The following TGFBR1 variants were observed in gnomAD, a reference collection of about 807,000 sequenced individuals.
TGFBR1 encodes TGF-beta receptor type-1.
In TGFBR1, 20 loss-of-function variants were observed where a neutral mutation model predicts 55.1. The observed-to-expected ratio is 0.36, with a 90% CI of 0.26 to 0.53. The LOEUF is 0.53. TGFBR1 is among the 20% of genes least tolerant of loss of function. TGFBR1 has a pLI of 0.91. For synonymous variants in TGFBR1, 220 were observed against 214.8 expected, an observed-to-expected ratio of 1.02 and a Z score of -0.21; for missense variants, 385 against 617.6, an observed-to-expected ratio of 0.62 and a Z score of 3.99.
At position 99,152,810 on chromosome 9, in the gene TGFBR1, A is replaced by G. The variant is rs1828014748; in HGVS notation, c.*3505A>G. The G allele has an allele frequency of 4.3e-6, 1 of 231,180 alleles. No individual in the cohort carries two copies. The highest frequency in any genetic ancestry group is 1.8e-4 in the South Asian group (1 of 5,516). 14.3% of individuals were successfully genotyped at this position (231,180 alleles called of 1,614,324 possible). Reference sequence around the variant, plus strand: ...TACTAAGGATTATCTTTGGACATGTACTGCAGCTTCTTGTCTCTGTTTTGG... The same window carrying G: ...TACTAAGGATTATCTTTGGACATGTGCTGCAGCTTCTTGTCTCTGTTTTGG... On this transcript the variant is annotated 3_prime_UTR_variant, in exon 9 of 9. Transcript: ENST00000374994.
rs1037312731 is a variant in TGFBR1, at chr9:99,153,442, C to T, written c.*4137C>T. The T allele has an allele frequency of 4.8e-6, 1 of 209,074 alleles. No homozygotes were observed. Among genetic ancestry groups the T allele is most frequent in the Non-Finnish European group, 9.8e-6 (1 of 102,442 alleles). 13.0% of individuals were successfully genotyped at this position (209,074 alleles called of 1,614,324 possible). On this transcript the variant is annotated 3_prime_UTR_variant, in exon 9 of 9. Coordinates refer to ENST00000374994, the MANE Select transcript of TGFBR1 (RefSeq NM_004612.4). ...TACAGAAAATGTCCATATAAATTTC[C>T]ATTGAAGTCGAATGATACTGAGAAG...
intron 1 of TGFBR1, among the ~76,000 whole-genome samples, chr9:99,124,508 T>A (rs1027210093): frequency 6.6e-6 from 1 of 151,988 alleles, no homozygotes; most frequent in Non-Finnish European, 1.5e-5. Flanking sequence ...ATTTAAAACC[T>A]AGTTGAATAA....
At chr9:99,144,958 A>T in intron 6 of TGFBR1, 70 bp downstream of exon 6, 1 of 1,537,910 alleles carries the variant, frequency 6.5e-7, no homozygotes, top group Middle Eastern at 1.8e-4. Context: ...TCATATATAC[A>T]TATCATTGCT....
At chr9:99,140,898 T>G (rs914249166) in intron 4 of TGFBR1, among the ~76,000 whole-genome samples, 1 of 152,212 alleles carries the variant, frequency 6.6e-6, no homozygotes, top group African/African-American at 2.4e-5. Flanking sequence ...AGGCTGATGC[T>G]GTCATCTGGT....
chr9:99,131,322 C>T (rs951678926), intron 2 of TGFBR1, among the ~76,000 whole-genome samples: 11 of 152,058 alleles, frequency 7.2e-5, no homozygotes, highest in African/African-American at 2.4e-4. Context: ...TATACAAAGG[C>T]AACAGCCTTC....
intron 5 of TGFBR1, 142 bp from the exon 6 acceptor site, chr9:99,144,590 A>C: frequency 1.2e-6 from 1 of 849,730 alleles, no homozygotes; most frequent in Non-Finnish European, 1.9e-6. Flanking sequence ...ACTTGAGTTT[A>C]ATAATGCCGT....
Position 99,132,854 on chromosome 9 carries a change from T to A in TGFBR1, c.574+115T>A. 11 of 1,389,818 alleles carry A rather than the reference T, an allele frequency of 7.9e-6. No individual in the cohort carries two copies. The South Asian group carries it at 1.4e-4, about 18-fold the overall frequency. 86.1% of individuals were successfully genotyped at this position (1,389,818 alleles called of 1,614,324 possible). ...AGAATGTGAGATAGTATAAATAATA[T>A]TGCAGGTTTGAACCTAATAAAAATC... is the stretch of plus-strand genomic sequence containing the variant. On this transcript the variant is annotated intron_variant, in intron 3 of 8. Coordinates refer to ENST00000374994, the MANE Select transcript of TGFBR1 (RefSeq NM_004612.4).
intron 4 of TGFBR1, 108 bp from the exon 5 acceptor site, chr9:99,142,428 T>G: frequency 8.4e-7 from 1 of 1,185,658 alleles, no homozygotes; most frequent in Non-Finnish European, 1.3e-6. Context: ...TAAGGTGGCA[T>G]TATATTGCAG....
At chr9:99,121,267 T>G (rs986802377) in intron 1 of TGFBR1, among the ~76,000 whole-genome samples, 2 of 152,200 alleles carry the variant, frequency 1.3e-5, no homozygotes, top group African/African-American at 4.8e-5. Flanking sequence ...ATATTACTGC[T>G]GCAAGGTAGC....
intron 8 of TGFBR1, 67 bp downstream of exon 8, chr9:99,147,851 T>C: frequency 3.2e-6 from 5 of 1,587,252 alleles, no homozygotes; most frequent in South Asian, 2.2e-5. Flanking sequence ...AAAAGTTTGC[T>C]ACTTTTCTTT....
At position 99,154,134 on chromosome 9, in the gene TGFBR1, A is replaced by T. The variant is rs1483438082; in HGVS notation, c.*4829A>T. 1 of 227,602 alleles carries T rather than the reference A, an allele frequency of 4.4e-6. No homozygotes were observed. Among genetic ancestry groups the T allele is most frequent in the Non-Finnish European group, 8.7e-6 (1 of 114,500 alleles). 14.1% of individuals were successfully genotyped at this position (227,602 alleles called of 1,614,324 possible). A position where few individuals can be genotyped will look rare whatever the true frequency, so the allele number is the denominator to read the frequency against. On this transcript the variant is annotated 3_prime_UTR_variant, in exon 9 of 9. Transcript: ENST00000374994. Reference sequence around the variant, plus strand: ...TCCTTATAACAAAGACATCACCAGGATATGAAGCTTTTGTTGAAAGTTGGA... The same window carrying T: ...TCCTTATAACAAAGACATCACCAGGTTATGAAGCTTTTGTTGAAAGTTGGA...
In TGFBR1 at chr9:99,146,643, A is replaced by G. The variant is rs371923071; in HGVS notation, c.1255+34A>G. ...CTCTCCTCTCCCCCAGTAGTTTGTC[A>G]TGAGCAGAAGTTGTTCAAGAATTGT... On this transcript the variant is annotated intron_variant, in intron 7 of 8. Transcript: ENST00000374994. The G allele has an allele frequency of 4.3e-6, 7 of 1,613,514 alleles. No individual in the cohort carries two copies. The African/African-American group carries it at 8.0e-5, about 18-fold the overall frequency.
chr9:99,116,804 A>G (rs1004061111), intron 1 of TGFBR1, among the ~76,000 whole-genome samples: 1 of 152,226 alleles, frequency 6.6e-6, no homozygotes, highest in African/African-American at 2.4e-5. Flanking sequence ...TGGTTACAGT[A>G]CATCTCAAGC....
intron 1 of TGFBR1, among the ~76,000 whole-genome samples, chr9:99,123,134 C>T (rs1171954446): frequency 6.6e-6 from 1 of 151,976 alleles, no homozygotes; most frequent in South Asian, 2.1e-4. Flanking sequence ...CACTTCTGGT[C>T]CTGAGCATTT....
chr9:99,103,883 C>T (rs1826330617), upstream of TGFBR1, among the ~76,000 whole-genome samples: 1 of 152,190 alleles, frequency 6.6e-6, no homozygotes, highest in Admixed American at 6.5e-5. Flanking sequence ...AAGTAGTGCA[C>T]AAATTGGCAT....
At chr9:99,106,775 A>G (rs370345778) in intron 1 of TGFBR1, among the ~76,000 whole-genome samples, 23 of 152,294 alleles carry the variant, frequency 1.5e-4, no homozygotes, top group Admixed American at 2.6e-4. Flanking sequence ...CTGATGAGCA[A>G]TTGGTCTTTA....
At chr9:99,134,831 TATATATATATATATA>T (rs1827379250) in intron 3 of TGFBR1, among the ~76,000 whole-genome samples, 1 of 113,784 alleles carries the variant, frequency 8.8e-6, no homozygotes, top group African/African-American at 3.2e-5. Flanking sequence ...TATATATATA[TATATATATATATATA>T]TATATATTTC....
intron 1 of TGFBR1, among the ~76,000 whole-genome samples, chr9:99,122,032 G>A (rs1826911583): frequency 6.6e-6 from 1 of 152,034 alleles, no homozygotes; most frequent in Non-Finnish European, 1.5e-5. Flanking sequence ...AGAAAGGGTG[G>A]TACTCTGTCT....
In TGFBR1 at chr9:99,149,394, G is replaced by C. The variant is rs1827910877; in HGVS notation, c.*89G>C. 1 of 1,542,480 alleles carries C rather than the reference G, an allele frequency of 6.5e-7. No homozygotes were observed. The highest frequency in any genetic ancestry group is 8.9e-7 in the Non-Finnish European group (1 of 1,117,414). ...GGTCAATTGTTCTACCTCACTGAGAGGGAACAGAAGGATATTGCTTCCTTT... is the reference window on the plus strand; with the variant it reads ...GGTCAATTGTTCTACCTCACTGAGACGGAACAGAAGGATATTGCTTCCTTT... On this transcript the variant is annotated 3_prime_UTR_variant, in exon 9 of 9. Coordinates refer to ENST00000374994, the MANE Select transcript of TGFBR1 (RefSeq NM_004612.4).
Sources: allele counts gnomAD v4.1 joint callset (sites outside exome capture counted in the v4.1 genomes callset), GRCh38; gene constraint gnomAD v4.1.1; transcripts MANE v1.5; gene names NCBI Gene and HGNC (gene_info 2026-07-23, HGNC 2026-07-21).